Variants in KCNN2 observed in about 807,000 individuals in gnomAD.
KCNN2 encodes small conductance calcium-activated potassium channel protein 2.
In KCNN2, 24 loss-of-function variants were observed where a neutral mutation model predicts 55.5. The ratio of observed to expected loss-of-function variants is 0.43; its 90% CI spans 0.31 to 0.61. The LOEUF (loss-of-function observed/expected upper bound fraction) is 0.61. Ranked by LOEUF, KCNN2 falls within the 20% of genes least tolerant of loss-of-function variation. KCNN2 has a pLI of 0.08. For synonymous variants in KCNN2, 431 were observed against 336.1 expected (o/e 1.28, Z -3.09); for missense variants, 754 against 853.6 (o/e 0.88, Z 1.45).
intron 1 of KCNN2, among the ~76,000 whole-genome samples, chr5:114,169,175 T>C (rs1194324180): frequency 6.6e-6 from 1 of 152,136 alleles, no homozygotes; most frequent in African/African-American, 2.4e-5. Context: ...TGTGAGTCAA[T>C]TAAACCTCTT....
At chr5:114,412,217 A>G (rs918225647) in intron 3 of KCNN2, among the ~76,000 whole-genome samples, 3 of 152,188 alleles carry the variant, frequency 2.0e-5, no homozygotes, top group African/African-American at 7.2e-5. Context: ...ATTGAATATA[A>G]TCTTGTACAT....
chr5:114,486,139 C>A (rs984208905), intron 5 of KCNN2, among the ~76,000 whole-genome samples: 3 of 152,174 alleles, frequency 2.0e-5, no homozygotes, highest in African/African-American at 4.8e-5. Flanking sequence ...AGTTATCTTC[C>A]TCCACCTAGC....
intron 2 of KCNN2, among the ~76,000 whole-genome samples, chr5:114,397,034 G>A (rs13358855): frequency 0.014 from 2,188 of 152,202 alleles, 57 homozygotes; most frequent in African/African-American, 0.049. Flanking sequence ...TCCCATCCAC[G>A]CTGCTGCAAA....
intron 2 of KCNN2, among the ~76,000 whole-genome samples, chr5:114,227,826 A>G (rs1022261530): frequency 2.6e-5 from 4 of 152,322 alleles, no homozygotes; most frequent in South Asian, 2.1e-4. Context: ...AAGAGTAAAC[A>G]TTAAACATAT....
chr5:114,301,426 T>C (rs1756157581), intron 2 of KCNN2, among the ~76,000 whole-genome samples: 1 of 152,142 alleles, frequency 6.6e-6, no homozygotes, highest in Non-Finnish European at 1.5e-5. Context: ...CGAGCGCATG[T>C]TTCTTGGGTC....
intron 3 of KCNN2, among the ~76,000 whole-genome samples, chr5:114,438,959 T>G (rs912016069): frequency 6.6e-6 from 1 of 152,196 alleles, no homozygotes; most frequent in Non-Finnish European, 1.5e-5. Flanking sequence ...AATATGTTAA[T>G]AGAGTGTAAT....
chr5:114,105,022 A>C (rs1423519490), intron 1 of KCNN2, among the ~76,000 whole-genome samples: 1 of 152,092 alleles, frequency 6.6e-6, no homozygotes, highest in Non-Finnish European at 1.5e-5. Context: ...TGATTCATTA[A>C]TGAACGTGTT....
In KCNN2 at chr5:114,069,666, C is replaced by T. The variant is rs185660810; in HGVS notation, c.-271+13166C>T. On this transcript the variant is annotated intron_variant, in intron 1 of 10. Transcript: ENST00000512097. ...TTAATAAAGCTTGTTCTGAAAGGCC[C>T]GTTGACTACCTATGATTTTCCAGTC... Among the ~76,000 whole-genome samples the T allele has an allele frequency of 2.6e-5, 4 of 152,242 alleles. No individual in the cohort carries two copies. In the East Asian group the frequency reaches 5.8e-4, roughly 22 times the overall value.
intron 2 of KCNN2, among the ~76,000 whole-genome samples, chr5:114,254,986 T>G (rs1411985875): frequency 6.6e-6 from 1 of 152,188 alleles, no homozygotes; most frequent in Admixed American, 6.5e-5. Flanking sequence ...TCAGTAAGAA[T>G]TCATTGGCCT....
At chr5:114,304,721 C>G (rs564341226) in intron 2 of KCNN2, among the ~76,000 whole-genome samples, 1 of 152,328 alleles carries the variant, frequency 6.6e-6, no homozygotes, top group African/African-American at 2.4e-5. Context: ...TGTACCATAA[C>G]CTGAACCTGA....
intron 1 of KCNN2, among the ~76,000 whole-genome samples, chr5:114,165,801 G>A (rs926291734): frequency 2.0e-5 from 3 of 152,080 alleles, no homozygotes; most frequent in Non-Finnish European, 4.4e-5. Context: ...TATGGCATTG[G>A]TACGCCTTCT....
intron 1 of KCNN2, among the ~76,000 whole-genome samples, chr5:114,140,336 TTTCACTGAG>T (rs952907241): frequency 2.0e-5 from 3 of 152,344 alleles, no homozygotes; most frequent in African/African-American, 7.2e-5. Context: ...CTCTGACACA[TTTCACTGAG>T]TTATGGGCTG....
At chr5:114,417,585 TTA>T (rs1304435756) in intron 3 of KCNN2, among the ~76,000 whole-genome samples, 2 of 152,172 alleles carry the variant, frequency 1.3e-5, no homozygotes, top group African/African-American at 4.8e-5. Flanking sequence ...TCACTGGCAT[TTA>T]TTGTGACGTA....
intron 2 of KCNN2, among the ~76,000 whole-genome samples, chr5:114,272,687 T>A (rs916227396): frequency 2.0e-5 from 3 of 152,134 alleles, no homozygotes; most frequent in African/African-American, 7.2e-5. Flanking sequence ...TCATATATAT[T>A]TTTAATTGTA....
Position 114,293,324 on chromosome 5 carries a change from G to T in KCNN2, c.-184-67621G>T, listed in dbSNP as rs550126381. Among the ~76,000 whole-genome samples the T allele has an allele frequency of 6.6e-5, 10 of 152,180 alleles. 1 individual carries two copies. In the East Asian group the frequency reaches 1.7e-3, roughly 27 times the overall value. Reference sequence around the variant, plus strand: ...GCCCATTCAGTATGATATTGGCTGTGGGTTTGTCATAGATAGCTCTTATTA... The same window carrying T: ...GCCCATTCAGTATGATATTGGCTGTTGGTTTGTCATAGATAGCTCTTATTA... On this transcript the variant is annotated intron_variant, in intron 2 of 10. Coordinates refer to the KCNN2 transcript ENST00000512097.
At chr5:114,209,011 T>C (rs1320222673) in intron 1 of KCNN2, among the ~76,000 whole-genome samples, 1 of 152,146 alleles carries the variant, frequency 6.6e-6, no homozygotes, top group Non-Finnish European at 1.5e-5. Context: ...CATTCACTCC[T>C]TATCTTTCTT....
In KCNN2 at chr5:114,409,715, T is replaced by TAGGAGCACAC. The variant is rs202203289; in HGVS notation, c.1637+4868_1637+4869insCAGGAGCACA. On this transcript the variant is annotated intron_variant, in intron 3 of 7. Transcript: ENST00000673685. The stretch of plus-strand genomic sequence containing the variant: ...CATTAAAAACCTATTCCTGTCCTTC[T>TAGGAGCACAC]AGGAGCACAAGATTCAGGATTTCTA... 3.9e-3 allele frequency among the ~76,000 whole-genome samples: 588 copies of TAGGAGCACAC among 152,328 alleles called. 3 individuals carry two copies. The highest frequency in any genetic ancestry group is 0.013 in the African/African-American group (536 of 41,584).
chr5:114,077,033 A>G (rs1209113035), intron 1 of KCNN2, among the ~76,000 whole-genome samples: 4 of 151,886 alleles, frequency 2.6e-5, no homozygotes, highest in Non-Finnish European at 5.9e-5. Flanking sequence ...AGCCTAAGGT[A>G]TGTTGAATTA....
intron 2 of KCNN2, among the ~76,000 whole-genome samples, chr5:114,398,416 G>A (rs1191248076): frequency 6.6e-6 from 1 of 150,878 alleles, no homozygotes; most frequent in African/African-American, 2.4e-5. Flanking sequence ...CCAGTGCCAT[G>A]CTGTTTGGGT....
Sources: gnomAD v4.1 joint callset for allele counts (sites outside exome capture counted in the v4.1 genomes callset) on GRCh38, gnomAD v4.1.1 for gene constraint, MANE v1.5 for transcripts, NCBI Gene and HGNC (gene_info 2026-07-23, HGNC 2026-07-21) for gene names.